The following STXBP5L variants were observed in gnomAD, a reference collection of about 807,000 sequenced individuals.
STXBP5L encodes syntaxin-binding protein 5-like.
Under a neutral mutation model 144.5 loss-of-function variants are expected in STXBP5L, and 65 were observed. The ratio of observed to expected loss-of-function variants is 0.45; its 90% CI spans 0.37 to 0.55. STXBP5L has a LOEUF of 0.55. Ranked by LOEUF, STXBP5L falls within the 20% of genes least tolerant of loss-of-function variation. The probability of loss-of-function intolerance (pLI) is 0.00; values close to 1 mark genes in which losing one functional copy is unlikely to be tolerated. For synonymous variants in STXBP5L, 505 were observed against 469.6 expected (o/e 1.08, Z -0.97); for missense variants, 1,298 against 1,405.5 (o/e 0.92, Z 1.22).
At chr3:121,294,099 T>A (rs2051553712) in intron 19 of STXBP5L, among the ~76,000 whole-genome samples, 1 of 152,216 alleles carries the variant, frequency 6.6e-6, no homozygotes. Context: ...ATGCTATAAA[T>A]ATCCACACTG....
chr3:121,356,058 TGGAAGCTTCGCCCCACAG>T (rs1324955725), intron 20 of STXBP5L, among the ~76,000 whole-genome samples: 1 of 152,232 alleles, frequency 6.6e-6, no homozygotes, highest in African/African-American at 2.4e-5. Context: ...ATCCTTCCTC[TGGAAGCTTCGCCCCACAG>T]GGGCACCCAC....
At chr3:120,945,556 A>G (rs1710802751) in intron 2 of STXBP5L, among the ~76,000 whole-genome samples, 1 of 151,830 alleles carries the variant, frequency 6.6e-6, no homozygotes, top group Non-Finnish European at 1.5e-5. Context: ...CAGATGAAAA[A>G]TATGTCCAAA....
At chr3:121,250,613 T>C in intron 14 of STXBP5L, 110 bp from the exon 15 acceptor site, 1 of 857,276 alleles carries the variant, frequency 1.2e-6, no homozygotes, top group Admixed American at 2.6e-5. Context: ...ATTAAAGTGG[T>C]ATTTTTGAAT....
At chr3:121,139,002 T>A (rs1054266388) in intron 7 of STXBP5L, among the ~76,000 whole-genome samples, 4 of 151,992 alleles carry the variant, frequency 2.6e-5, no homozygotes, top group African/African-American at 9.7e-5. Context: ...AATAAATATG[T>A]TCTTACTCAT....
chr3:121,389,480 G>A (rs1423527867), intron 22 of STXBP5L, among the ~76,000 whole-genome samples: 1 of 152,112 alleles, frequency 6.6e-6, no homozygotes, highest in Non-Finnish European at 1.5e-5. Context: ...TGATGTTAGG[G>A]TGTCGATTTT....
intron 22 of STXBP5L, among the ~76,000 whole-genome samples, chr3:121,403,004 A>T (rs2108735795): frequency 6.6e-6 from 1 of 152,112 alleles, no homozygotes; most frequent in South Asian, 2.1e-4. Context: ...ACAATTACGT[A>T]TTTTCTCTAG....
At chr3:121,385,202 G>A (rs914623688) in intron 22 of STXBP5L, among the ~76,000 whole-genome samples, 6 of 152,176 alleles carry the variant, frequency 3.9e-5, no homozygotes, top group African/African-American at 1.4e-4. Context: ...GGTTTAATTG[G>A]CTAATAGCTC....
intron 22 of STXBP5L, among the ~76,000 whole-genome samples, chr3:121,387,265 G>C (rs2046449410): frequency 6.6e-6 from 1 of 151,842 alleles, no homozygotes; most frequent in South Asian, 2.1e-4. Context: ...TGGTTTTTTA[G>C]TGTAAATTTG....
At chr3:121,006,777 C>G (rs975894644) in intron 3 of STXBP5L, among the ~76,000 whole-genome samples, 1 of 152,088 alleles carries the variant, frequency 6.6e-6, no homozygotes, top group Non-Finnish European at 1.5e-5. Flanking sequence ...ATTTGCTTGT[C>G]TGTGAAGGAT....
chr3:120,922,691 A>C (rs1413458847), intron 2 of STXBP5L, among the ~76,000 whole-genome samples: 1 of 151,826 alleles, frequency 6.6e-6, no homozygotes, highest in African/African-American at 2.4e-5. Context: ...GAATTTTATC[A>C]AATTCTTTTT....
intron 8 of STXBP5L, among the ~76,000 whole-genome samples, 165 bp downstream of exon 8, chr3:121,152,725 A>G (rs1184210109): frequency 6.6e-6 from 1 of 151,940 alleles, no homozygotes; most frequent in Non-Finnish European, 1.5e-5. Context: ...CCATCTCTAG[A>G]TTTTTCTTTT....
At position 121,157,586 on chromosome 3, in the gene STXBP5L, T is replaced by C. The variant is rs2046164387; in HGVS notation, c.836T>C (p.Leu279Pro). The C allele has an allele frequency of 6.2e-7, 1 of 1,606,794 alleles. No individual in the cohort carries two copies. The highest frequency in any genetic ancestry group is 2.3e-5 in the East Asian group (1 of 44,348). The change falls in exon 9 of 27, where the codon CTG becomes CCG. Residue 279 changes from leucine (L) to proline (P), a missense_variant. By Grantham distance (98) the Leu-to-Pro change is moderately conservative. Transcript: ENST00000471454. ...HSDGSLTLWN[L>P]KSPSRPFQTT... ...GATGGTAGTTTGACTTTATGGAACC[T>C]GAAAAGCCCAAGTCGCCCTTTCCAG...
chr3:121,381,599 A>C, intron 22 of STXBP5L, 67 bp downstream of exon 22: 1 of 1,556,140 alleles, frequency 6.4e-7, no homozygotes, highest in Non-Finnish European at 8.6e-7. Context: ...GGTATTATAA[A>C]CATAAATTTG....
In STXBP5L at chr3:121,247,656, CT is replaced by C. The variant is rs577530903; in HGVS notation, c.1401-3060del. On this transcript the variant is annotated intron_variant, in intron 14 of 26. Coordinates refer to ENST00000471454, the MANE Select transcript of STXBP5L (RefSeq NM_001308330.2). ...TTGCTGTAAAGGACATGATTTCACT[CT>C]TTTTTTATGGCTGTGTAATATTCCA... Among the ~76,000 whole-genome samples the C allele has an allele frequency of 5.9e-5, 9 of 152,240 alleles. No homozygotes were observed. In the East Asian group the frequency reaches 1.2e-3, roughly 20 times the overall value.
intron 4 of STXBP5L, among the ~76,000 whole-genome samples, chr3:121,043,963 C>G (rs1444203282): frequency 6.6e-6 from 1 of 152,092 alleles, no homozygotes; most frequent in South Asian, 2.1e-4. Context: ...TCAAAAAAAT[C>G]AAGTGTAACT....
chr3:121,043,880 A>T (rs1410022203), intron 4 of STXBP5L, among the ~76,000 whole-genome samples: 1 of 152,156 alleles, frequency 6.6e-6, no homozygotes, highest in Non-Finnish European at 1.5e-5. Flanking sequence ...TTGTTGTTAC[A>T]TATCATGTTC....
intron 2 of STXBP5L, among the ~76,000 whole-genome samples, chr3:120,952,495 C>T (rs1393725134): frequency 6.6e-6 from 1 of 151,870 alleles, no homozygotes; most frequent in African/African-American, 2.4e-5. Flanking sequence ...TGCAGGAATA[C>T]AATTGACTTT....
In STXBP5L at chr3:121,009,787, G is replaced by GT. The variant is rs892577396; in HGVS notation, c.288-31906dup. Among the ~76,000 whole-genome samples the GT allele has an allele frequency of 9.9e-5, 15 of 151,808 alleles. No homozygotes were observed. In the East Asian group the frequency reaches 1.2e-3, roughly 12 times the overall value. ...CTCTTCTTATTTGGTGGATCGTAAT[G>GT]TTTTTTTCTAGATCATCTATTTAGT... On this transcript the variant is annotated intron_variant, in intron 3 of 26. Coordinates refer to ENST00000471454, the MANE Select transcript of STXBP5L (RefSeq NM_001308330.2).
intron 6 of STXBP5L, among the ~76,000 whole-genome samples, chr3:121,116,413 G>T (rs2044231474): frequency 6.6e-6 from 1 of 152,084 alleles, no homozygotes; most frequent in Non-Finnish European, 1.5e-5. Context: ...TTTGTATTAT[G>T]TCTGAATGGG....
Sources: gnomAD v4.1 joint callset for allele counts (sites outside exome capture counted in the v4.1 genomes callset) on GRCh38, gnomAD v4.1.1 for gene constraint, MANE v1.5 for transcripts, NCBI Gene and HGNC (gene_info 2026-07-23, HGNC 2026-07-21) for gene names.